RNF19B: variants seen among roughly 807,000 people sequenced by gnomAD.
The protein encoded by RNF19B is ring finger protein 19B.
In RNF19B, 23 loss-of-function variants were observed where a neutral mutation model predicts 65.5. The ratio of observed to expected loss-of-function variants is 0.35; its 90% CI spans 0.25 to 0.50. The LOEUF is 0.50. Ranked by LOEUF, RNF19B falls within the 20% of genes least tolerant of loss-of-function variation. The probability of loss-of-function intolerance (pLI) is 0.98; values close to 1 mark genes in which losing one functional copy is unlikely to be tolerated. For synonymous variants in RNF19B, 372 were observed against 379.6 expected, an observed-to-expected ratio of 0.98 and a Z score of 0.23; for missense variants, 794 against 980.0, an observed-to-expected ratio of 0.81 and a Z score of 2.53.
At chr1:32,944,791 C>T (rs1328058918) in intron 5 of RNF19B, among the ~76,000 whole-genome samples, 1 of 152,010 alleles carries the variant, frequency 6.6e-6, no homozygotes, top group Non-Finnish European at 1.5e-5. Context: ...CAGGTTCACG[C>T]CATTCTCCTG....
rs760591116 is a variant in RNF19B, at chr1:32,936,849, C to T, written c.2153G>A (p.Gly718Glu). 3.5e-5 allele frequency: 55 copies of T among 1,593,920 alleles called. No individual in the cohort carries two copies. The highest frequency in any genetic ancestry group is 4.6e-5 in the Non-Finnish European group (54 of 1,166,988). ...ACCTTCTGGCTTCAAGACAGTTTGTCCCTCGGCTAGGGCAGAGAGGTTCAT... is the reference window on the plus strand; with the variant it reads ...ACCTTCTGGCTTCAAGACAGTTTGTTCCTCGGCTAGGGCAGAGAGGTTCAT... ...AHMNLSALAE[G>E]QTVLKPEGGE... Residue 718 changes from glycine to glutamate, a missense_variant, in exon 9 of 9, where the codon GGA becomes GAA. By Grantham distance (98) the Gly-to-Glu change is moderately conservative (BLOSUM62 -2). This residue lies in a region of RNF19B where 368 missense variants were observed against 447.3 expected (regional missense o/e 0.82). Coordinates refer to ENST00000235150, the MANE Select transcript of RNF19B (RefSeq NM_001300826.2).
At chr1:32,929,435 G>A in the RNF19B span, among the ~76,000 whole-genome samples, 4 of 152,190 alleles carry the variant, frequency 2.6e-5, no homozygotes, top group East Asian at 1.9e-4. Context: ...GACACAATTC[G>A]ACCCATAACA....
rs186561851 is a variant in RNF19B, at chr1:32,947,435, G to A, written c.983+787C>T. Among the ~76,000 whole-genome samples the A allele has an allele frequency of 4.3e-3, 651 of 152,250 alleles. 2 individuals are homozygous for A. The highest frequency in any genetic ancestry group is 6.9e-3 in the Non-Finnish European group (472 of 68,000). On this transcript the variant is annotated intron_variant, in intron 3 of 8. Transcript: ENST00000235150. Reference sequence around the variant, plus strand: ...AGAACTTTGGGAGGCCGAGGCAGGCGGACCACCTGAGGTTCGAGTTCGAGA... The same window carrying A: ...AGAACTTTGGGAGGCCGAGGCAGGCAGACCACCTGAGGTTCGAGTTCGAGA...
Position 32,937,303 on chromosome 1 carries a change from G to A in RNF19B, c.1743-44C>T, listed in dbSNP as rs376356983. 3.1e-6 allele frequency: 5 copies of A among 1,610,722 alleles called. No homozygotes were observed. The African/African-American group carries it at 6.7e-5, about 21-fold the overall frequency. ...CTTTGCTGAGTCATGCATGGATCAT[G>A]CTAAACCTGTTGGTAAAAGCAGTTC... is the stretch of plus-strand genomic sequence containing the variant. On this transcript the variant is annotated intron_variant, in intron 8 of 8. Transcript: ENST00000235150.
In RNF19B at chr1:32,964,804, G is replaced by T; in HGVS notation, c.-119C>A. ...CCACCACCGCCTCAACCGCCCTCCC[G>T]GCGATAGAAGCCGAGCGGCAACGAC... is the stretch of plus-strand genomic sequence containing the variant. On this transcript the variant is annotated 5_prime_UTR_variant, in exon 1 of 9. Transcript: ENST00000235150. The surrounding 1 kb of genome is among the most constrained non-coding windows in gnomAD (Gnocchi z 6.5). The T allele has an allele frequency of 2.0e-6, 2 of 1,001,428 alleles. No homozygotes were observed. Among genetic ancestry groups the T allele is most frequent in the South Asian group, 4.7e-5 (2 of 42,442 alleles). The allele number at this position is 1,001,428 out of a possible 1,614,324, so 62.0% of individuals were successfully genotyped here. A position where few individuals can be genotyped will look rare whatever the true frequency, so the allele number is the denominator to read the frequency against.
intron 7 of RNF19B, 141 bp downstream of exon 7, chr1:32,942,111 T>TAA: frequency 1.3e-6 from 1 of 775,778 alleles, no homozygotes; most frequent in Non-Finnish European, 2.0e-6. Flanking sequence ...AATAAAAAAG[T>TAA]AAAAACAAAA....
In RNF19B at chr1:32,952,882, C is replaced by T. The variant is rs545119687; in HGVS notation, c.636-3108G>A. Among the ~76,000 whole-genome samples the T allele has an allele frequency of 9.2e-5, 14 of 151,778 alleles. No homozygotes were observed. The East Asian group carries it at 2.7e-3, about 29-fold the overall frequency. ...GAGCCACGTTTGCGCCACTGCACTCCAGCCTGGGTGACAGAGTGAGATTCT... is the reference window on the plus strand; with the variant it reads ...GAGCCACGTTTGCGCCACTGCACTCTAGCCTGGGTGACAGAGTGAGATTCT... On this transcript the variant is annotated intron_variant, in intron 1 of 8. Transcript: ENST00000235150.
In RNF19B at chr1:32,952,597, C is replaced by A. The variant is rs527949028; in HGVS notation, c.636-2823G>T. On this transcript the variant is annotated intron_variant, in intron 1 of 8. Transcript: ENST00000235150. Reference sequence around the variant, plus strand: ...CTCTACTAAAAATACAAAAAATTAGCTGGGCATGGTGGCGGGCGCCTGTAA... The same window carrying A: ...CTCTACTAAAAATACAAAAAATTAGATGGGCATGGTGGCGGGCGCCTGTAA... Among the ~76,000 whole-genome samples the A allele has an allele frequency of 1.6e-4, 24 of 150,044 alleles. 1 individual carries two copies. The highest frequency in any genetic ancestry group is 1.4e-3 in the Admixed American group (21 of 15,038).
Position 32,964,497 on chromosome 1 carries a change from C to T in RNF19B, c.189G>A (p.Pro63=). Residue 63 remains proline, a synonymous_variant, in exon 1 of 9, where the codon CCG becomes CCA. Coordinates refer to ENST00000235150, the MANE Select transcript of RNF19B (RefSeq NM_001300826.2). This position sits in a 1 kb window ranked among gnomAD's most constrained non-coding sequence, Gnocchi z 6.5. ...CCGCGGCAGGGGCCGGGGCGGGCGG[C>T]GGCTGCGCAGCCGGGGGCGGCGGCT... ...QAEPPPPAAQ[P]PPAPAPAAAQ... 1.1e-6 allele frequency: 1 copy of T among 944,598 alleles called. No homozygotes were observed. Among genetic ancestry groups the T allele is most frequent in the Non-Finnish European group, 1.3e-6 (1 of 798,786 alleles). The allele number at this position is 944,598 out of a possible 1,614,324, so 58.5% of individuals were successfully genotyped here.
chr1:32,944,112 T>C lies in RNF19B; in HGVS notation c.1309A>G (p.Ile437Val), dbSNP rs1642308254. The C allele has an allele frequency of 6.2e-7, 1 of 1,614,048 alleles. No individual in the cohort carries two copies. Among genetic ancestry groups the C allele is most frequent in the South Asian group, 1.1e-5 (1 of 91,066 alleles). Residue 437 changes from isoleucine to valine, a missense_variant, in exon 6 of 9, where the codon ATT becomes GTT. Ile to Val is a conservative substitution (Grantham distance 29). Transcript: ENST00000235150. ...MLAYVYGVVP[I>V]SLCRGGGCGV... ...CAGCCGCCTCCACGACAAAGAGAAATGGGCACAACCCCATAAACATATGCC... is the reference window on the plus strand; with the variant it reads ...CAGCCGCCTCCACGACAAAGAGAAACGGGCACAACCCCATAAACATATGCC...
intron 1 of RNF19B, among the ~76,000 whole-genome samples, chr1:32,958,286 C>T (rs1642687990): frequency 6.6e-6 from 1 of 152,206 alleles, no homozygotes; most frequent in Non-Finnish European, 1.5e-5. Context: ...TTAAGAAACT[C>T]ATAAACTTGT....
At chr1:32,943,529 T>C (rs1206841487) in intron 6 of RNF19B, among the ~76,000 whole-genome samples, 1 of 151,334 alleles carries the variant, frequency 6.6e-6, no homozygotes, top group African/African-American at 2.4e-5. Flanking sequence ...GGCAGGAGAA[T>C]CACTTGAACC....
At chr1:32,954,147 A>C (rs886071035) in intron 1 of RNF19B, among the ~76,000 whole-genome samples, 2 of 150,972 alleles carry the variant, frequency 1.3e-5, no homozygotes, top group Non-Finnish European at 3.0e-5. Context: ...CTGGCCTTCA[A>C]GTGATCCTCC....
intron 3 of RNF19B, 100 bp from the exon 4 acceptor site, chr1:32,946,664 T>G: frequency 4.8e-6 from 5 of 1,046,680 alleles, no homozygotes; most frequent in Non-Finnish European, 6.9e-6. Context: ...CAGTAAGGAT[T>G]AACAGAAGAG....
At chr1:32,933,707 A>G (rs1642056775), downstream of RNF19B, among the ~76,000 whole-genome samples, 1 of 152,058 alleles carries the variant, frequency 6.6e-6, no homozygotes. Context: ...TTCTTATATG[A>G]TATCTAAAAT....
intron 1 of RNF19B, among the ~76,000 whole-genome samples, chr1:32,951,751 A>T (rs1273752999): frequency 6.6e-6 from 1 of 152,066 alleles, no homozygotes; most frequent in Non-Finnish European, 1.5e-5. Flanking sequence ...TATCTTATAA[A>T]TTAAAATAGC....
chr1:32,963,926 C>A lies in RNF19B; in HGVS notation c.635+125G>T, dbSNP rs1312346994. On this transcript the variant is annotated intron_variant, in intron 1 of 8. Coordinates refer to ENST00000235150, the MANE Select transcript of RNF19B (RefSeq NM_001300826.2). ...TAGTCTGGGCTTGCCTGATGGTTAC[C>A]ACCCCGCCGAAGCTGCCGCCTTGCG... 11 of 1,340,994 alleles carry A rather than the reference C, an allele frequency of 8.2e-6. No homozygotes were observed. The East Asian group carries it at 2.5e-4, about 30-fold the overall frequency. 83.1% of individuals were successfully genotyped at this position (1,340,994 alleles called of 1,614,324 possible).
intron 1 of RNF19B, 141 bp from the exon 2 acceptor site, chr1:32,949,915 T>A: frequency 1.6e-6 from 1 of 640,740 alleles, no homozygotes; most frequent in Non-Finnish European, 2.7e-6. Flanking sequence ...TACACACATA[T>A]ACACACACAA....
Position 32,945,507 on chromosome 1 carries a change from AGCTT to A in RNF19B, c.1261+3_1261+6del, listed in dbSNP as rs1293977521. The A allele has an allele frequency of 6.4e-7, 1 of 1,572,848 alleles. No individual in the cohort carries two copies. Among genetic ancestry groups the A allele is most frequent in the Non-Finnish European group, 8.8e-7 (1 of 1,142,416 alleles). On this transcript the variant is annotated splice_donor_5th_base_variant and intron_variant, in intron 5 of 8. Coordinates refer to ENST00000235150, the MANE Select transcript of RNF19B (RefSeq NM_001300826.2). ...AGAGAGAAGAGGTGTGGTCCTGACTAGCTTACCAACACTAACTGCAGCAATAACT... is the reference window on the plus strand; with the variant it reads ...AGAGAGAAGAGGTGTGGTCCTGACTAACCAACACTAACTGCAGCAATAACT...
Sources: allele counts gnomAD v4.1 joint callset (sites outside exome capture counted in the v4.1 genomes callset), GRCh38; gene constraint gnomAD v4.1.1; regional missense constraint gnomAD v4.1.1; non-coding constraint Gnocchi (gnomAD v3.1); transcripts MANE v1.5; gene names NCBI Gene and HGNC (gene_info 2026-07-23, HGNC 2026-07-21).